The following FBXL13 variants were observed in gnomAD, a reference collection of about 807,000 sequenced individuals.
FBXL13 encodes F-box and leucine-rich repeat protein 13.
In FBXL13, 67 loss-of-function variants were observed where a neutral mutation model predicts 83.6. That is an observed-to-expected ratio of 0.80 (90% CI 0.66 to 0.98). The LOEUF is 0.98. Among genes scored for constraint, FBXL13 ranks in the 50% least tolerant of loss-of-function variants. The pLI is 0.00. For missense variants in FBXL13, 822 were observed against 866.5 expected, an observed-to-expected ratio of 0.95 and a Z score of 0.64; for synonymous variants, 272 against 299.5, an observed-to-expected ratio of 0.91 and a Z score of 0.95.
At chr7:103,004,596 T>C (rs1208228543) in intron 6 of FBXL13, among the ~76,000 whole-genome samples, 4 of 152,200 alleles carry the variant, frequency 2.6e-5, no homozygotes, top group Non-Finnish European at 4.4e-5. Flanking sequence ...AAGAACAGTT[T>C]TCCTGCAAAG....
In FBXL13 at chr7:103,057,580, G is replaced by A. The variant is rs189695221; in HGVS notation, c.-104-1833C>T. ...TATTTTATCATTCACAACATCTACC[G>A]AGTATATACATTTGAAAAATTGTAG... On this transcript the variant is annotated intron_variant, in intron 1 of 19. Transcript: ENST00000313221. Among the ~76,000 whole-genome samples the A allele has an allele frequency of 3.6e-3, 547 of 152,276 alleles. 6 individuals carry two copies. Among genetic ancestry groups the A allele is most frequent in the Non-Finnish European group, 2.5e-3 (173 of 68,024 alleles).
intron 6 of FBXL13, among the ~76,000 whole-genome samples, chr7:102,980,090 G>T (rs935506996): frequency 6.6e-6 from 1 of 152,074 alleles, no homozygotes; most frequent in South Asian, 2.1e-4. Context: ...AATTTCAAAG[G>T]CTTTTTTTGC....
At chr7:102,930,866 G>A (rs906885132) in intron 9 of FBXL13, among the ~76,000 whole-genome samples, 1 of 152,058 alleles carries the variant, frequency 6.6e-6, no homozygotes, top group African/African-American at 2.4e-5. Flanking sequence ...TTGCCTACTT[G>A]GTATCTCCAG....
At chr7:103,071,671 A>G (rs1252859964) in intron 1 of FBXL13, among the ~76,000 whole-genome samples, 1 of 151,750 alleles carries the variant, frequency 6.6e-6, no homozygotes, top group Non-Finnish European at 1.5e-5. Context: ...CTGGGATTAC[A>G]GGCATGAACC....
chr7:102,834,089 A>AGGAAGGAAGGAAG (rs1291419171), intron 17 of FBXL13, among the ~76,000 whole-genome samples: 36 of 68,400 alleles, frequency 5.3e-4, no homozygotes, highest in South Asian at 2.5e-3. Flanking sequence ...AGGAAAGAAA[A>AGGAAGGAAGGAAG]GAAAGAAAGA....
At chr7:102,877,069 GTTTAGTC>G (rs978894535) in intron 16 of FBXL13, among the ~76,000 whole-genome samples, 6 of 152,244 alleles carry the variant, frequency 3.9e-5, no homozygotes, top group African/African-American at 1.4e-4. Context: ...CATTTCTAGA[GTTTAGTC>G]TTGAACTAAA....
rs1585270877 is a variant in FBXL13, at chr7:102,992,780, T to A, written c.496-24663A>T. Among the ~76,000 whole-genome samples the A allele has an allele frequency of 1.3e-5, 2 of 152,170 alleles. 1 individual carries two copies. Among genetic ancestry groups the A allele is most frequent in the South Asian group, 4.1e-4 (2 of 4,830 alleles). ...CGCCAGCACATCTGGCTAATTTTTGTATTTTTCATAGAGACACAGTTTTGC... is the reference window on the plus strand; with the variant it reads ...CGCCAGCACATCTGGCTAATTTTTGAATTTTTCATAGAGACACAGTTTTGC... On this transcript the variant is annotated intron_variant, in intron 6 of 19. Transcript: ENST00000313221.
intron 1 of FBXL13, chr7:103,074,217 T>C: frequency 1.0e-6 from 1 of 993,560 alleles, no homozygotes; most frequent in Non-Finnish European, 1.2e-6. Context: ...TTTTCTGCCC[T>C]CACGGCTCCA....
At chr7:102,948,028 G>T (rs1822803817) in intron 8 of FBXL13, among the ~76,000 whole-genome samples, 1 of 151,586 alleles carries the variant, frequency 6.6e-6, no homozygotes, top group African/African-American at 2.4e-5. Context: ...TCCTGCTCTG[G>T]CAAATTGGCA....
At chr7:103,067,573 G>C (rs1003461334) in intron 1 of FBXL13, among the ~76,000 whole-genome samples, 2 of 152,216 alleles carry the variant, frequency 1.3e-5, no homozygotes, top group East Asian at 3.9e-4. Context: ...CCTCCACGCT[G>C]TGAGGAAGCT....
At chr7:102,972,501 A>C (rs1205218142) in intron 6 of FBXL13, among the ~76,000 whole-genome samples, 2 of 152,124 alleles carry the variant, frequency 1.3e-5, no homozygotes, top group African/African-American at 4.8e-5. Context: ...ATATCATCTA[A>C]AACATGAAAG....
exon 19 of FBXL13, chr7:102,822,182 T>G (rs779762285): frequency 2.5e-6 from 4 of 1,614,098 alleles, no homozygotes; most frequent in Non-Finnish European, 3.4e-6. Context: ...GCCGATAACA[T>G]CTCCATTGCT....
At chr7:102,864,020 C>G (rs1476351199) in intron 16 of FBXL13, among the ~76,000 whole-genome samples, 2 of 152,160 alleles carry the variant, frequency 1.3e-5, no homozygotes, top group Non-Finnish European at 2.9e-5. Flanking sequence ...TTCAATAGAT[C>G]ATCCACACTG....
At chr7:103,057,898 A>G (rs1003391911) in intron 1 of FBXL13, among the ~76,000 whole-genome samples, 4 of 152,000 alleles carry the variant, frequency 2.6e-5, no homozygotes, top group Admixed American at 1.3e-4. Flanking sequence ...TCTAGTGTGC[A>G]TGTTGGGGGT....
At chr7:102,957,847 C>T (rs1476779261) in intron 8 of FBXL13, among the ~76,000 whole-genome samples, 5 of 152,228 alleles carry the variant, frequency 3.3e-5, no homozygotes, top group South Asian at 2.1e-4. Flanking sequence ...TACCATCTCA[C>T]GCCAGTTAGA....
intron 6 of FBXL13, among the ~76,000 whole-genome samples, chr7:103,009,821 C>T (rs925630971): frequency 1.3e-5 from 2 of 152,270 alleles, no homozygotes; most frequent in African/African-American, 4.8e-5. Context: ...GTGGGCAACA[C>T]TTGCTAGAGC....
chr7:102,971,767 C>G (rs1285545611), intron 6 of FBXL13, among the ~76,000 whole-genome samples: 2 of 151,356 alleles, frequency 1.3e-5, no homozygotes, highest in Non-Finnish European at 3.0e-5. Flanking sequence ...GGCTCATGCC[C>G]GTAATCCCAG....
chr7:103,020,355 C>T (rs1250842729), intron 6 of FBXL13, among the ~76,000 whole-genome samples: 1 of 152,110 alleles, frequency 6.6e-6, no homozygotes, highest in Non-Finnish European at 1.5e-5. Flanking sequence ...ATGACAAACC[C>T]ACAGCCAATA....
chr7:102,848,555 CAAAAAAAAAAAAAAAAAAAAAAAAAAAAA>C (rs59060531), intron 17 of FBXL13, among the ~76,000 whole-genome samples: 20 of 1,824 alleles, frequency 0.011, 1 homozygote, highest in Admixed American at 0.038. Flanking sequence ...GACTCCGTCT[CAAAAAAAAAAAAAAAAAAAAAAAAAAAAA>C]AAAAAAAAAA....
Sources: gnomAD v4.1 joint callset for allele counts (sites outside exome capture counted in the v4.1 genomes callset) on GRCh38, gnomAD v4.1.1 for gene constraint, MANE v1.5 for transcripts, NCBI Gene and HGNC (gene_info 2026-07-23, HGNC 2026-07-21) for gene names.